SLC17A1: variants seen among roughly 807,000 people sequenced by gnomAD.
SLC17A1 encodes the protein sodium-dependent phosphate transport protein 1.
In SLC17A1, 51 loss-of-function variants were observed where a neutral mutation model predicts 53.5. The ratio of observed to expected loss-of-function variants is 0.95; its 90% confidence interval spans 0.76 to 1.20. SLC17A1 has a LOEUF of 1.20. SLC17A1 is among the 50% of genes most tolerant of loss of function. The pLI is 0.00. For synonymous variants in SLC17A1, 179 were observed against 198.8 expected, an observed-to-expected ratio of 0.90 and a Z score of 0.84; for missense variants, 538 against 568.2, an observed-to-expected ratio of 0.95 and a Z score of 0.54.
chr6:25,764,645 G>C, the SLC17A1 span, among the ~76,000 whole-genome samples: 1 of 152,202 alleles, frequency 6.6e-6, no homozygotes, highest in East Asian at 1.9e-4. Flanking sequence ...ATGCTGTGGA[G>C]CTTCAGCTTG....
intron 12 of SLC17A1, among the ~76,000 whole-genome samples, chr6:25,790,540 T>C (rs930009007): frequency 2.0e-5 from 3 of 152,154 alleles, no homozygotes; most frequent in African/African-American, 7.2e-5. Flanking sequence ...CTAAAAAGTT[T>C]TAATATCAGG....
intron 1 of SLC17A1, 70 bp from the exon 2 acceptor site, chr6:25,830,677 C>T (rs1764915292): frequency 2.0e-6 from 2 of 998,756 alleles, no homozygotes; most frequent in African/African-American, 3.2e-5. Context: ...ACCCAGTACT[C>T]CTCTCTGATT....
chr6:25,769,886 C>A, the SLC17A1 span, among the ~76,000 whole-genome samples: 11 of 151,702 alleles, frequency 7.3e-5, no homozygotes, highest in South Asian at 2.1e-4. Flanking sequence ...TCAGGGTGAG[C>A]GGAAAGAGTA....
At chr6:25,724,995 GT>G in the SLC17A1 span, among the ~76,000 whole-genome samples, 6 of 137,952 alleles carry the variant, frequency 4.3e-5, no homozygotes, top group East Asian at 7.2e-4. Context: ...GTGTTTAGCA[GT>G]TTTTTTTTTG....
intron 3 of SLC17A1, among the ~76,000 whole-genome samples, chr6:25,822,111 G>C (rs1022850364): frequency 6.6e-5 from 10 of 152,144 alleles, no homozygotes; most frequent in African/African-American, 2.2e-4. Context: ...TGATGGAAGA[G>C]GGAAGACTGA....
intron 3 of SLC17A1, 65 bp from the exon 4 acceptor site, chr6:25,819,980 G>T: frequency 8.8e-7 from 1 of 1,130,674 alleles, no homozygotes; most frequent in Non-Finnish European, 1.3e-6. Context: ...GACATTTAGG[G>T]ATTCAGGGAA....
chr6:25,819,630 T>G lies in SLC17A1; in HGVS notation c.442-32A>C, dbSNP rs544855897. The G allele has an allele frequency of 6.8e-6, 11 of 1,611,438 alleles. No individual in the cohort carries two copies. The Admixed American group carries it at 1.2e-4, about 17-fold the overall frequency. ...TGAGAAAGGTTTGACATTTAATCTC[T>G]AATACTTCCTGTGAATTTAAACTCT... On this transcript the variant is annotated intron_variant, in intron 4 of 12. Coordinates refer to ENST00000244527, the MANE Select transcript of SLC17A1 (RefSeq NM_005074.5).
rs769683339 is a variant in SLC17A1, at chr6:25,794,065, A to G, written c.*2+4718T>C. Among the ~76,000 whole-genome samples, 5 of 152,324 alleles carry G rather than the reference A, an allele frequency of 3.3e-5. No individual in the cohort carries two copies. The South Asian group carries it at 6.2e-4, about 19-fold the overall frequency. ...TGCTTGTTCCTGTTTATGTGCCTGA[A>G]CCAACAAATAGACTGCAGCCTGAGT... On this transcript the variant is annotated intron_variant, in intron 12 of 12. Transcript: ENST00000244527.
chr6:25,801,842 T>C (rs908068545), intron 10 of SLC17A1, among the ~76,000 whole-genome samples: 1 of 152,198 alleles, frequency 6.6e-6, no homozygotes, highest in Non-Finnish European at 1.5e-5. Context: ...CATCAAGACC[T>C]AGAGTCCTTG....
intron 10 of SLC17A1, among the ~76,000 whole-genome samples, chr6:25,809,792 G>T (rs564183366): frequency 4.6e-5 from 7 of 151,948 alleles, no homozygotes; most frequent in Non-Finnish European, 8.8e-5. Context: ...AAGTACAAAA[G>T]GTCCCAAATA....
At chr6:25,726,469 G>A in the SLC17A1 span, 126 of 1,613,700 alleles carry the variant, frequency 7.8e-5, no homozygotes, top group Non-Finnish European at 9.1e-5. Context: ...ACCCGCTCTA[G>A]AAGAGCGAGA....
the SLC17A1 span, among the ~76,000 whole-genome samples, chr6:25,737,590 G>T: frequency 6.6e-6 from 1 of 151,968 alleles, no homozygotes. Flanking sequence ...CTGGGCAGCA[G>T]GCAAAAGAAA....
chr6:25,777,766 C>T, the SLC17A1 span: 6,329 of 608,732 alleles, frequency 0.01, 149 homozygotes, highest in East Asian at 0.075. Flanking sequence ...CCAAGGCTTA[C>T]ACAATTCCAG....
the SLC17A1 span, among the ~76,000 whole-genome samples, chr6:25,749,797 A>C: frequency 6.6e-6 from 1 of 152,112 alleles, no homozygotes; most frequent in Non-Finnish European, 1.5e-5. Context: ...TACTTTGATC[A>C]ATTCAATTTA....
Position 25,811,724 on chromosome 6 carries a change from C to A in SLC17A1, c.944G>T (p.Gly315Val). Residue 315 changes from glycine (G) to valine (V), a missense_variant, in exon 9 of 13, where the codon GGT (glycine) becomes GTT (valine). Gly to Val is a moderately radical substitution (Grantham distance 109). Coordinates refer to ENST00000244527, the MANE Select transcript of SLC17A1 (RefSeq NM_005074.5). Reference protein sequence around the residue: ...SLPYLFAWICGNLAGQLSDFF... With the variant: ...SLPYLFAWICVNLAGQLSDFF... Reference sequence around the variant, plus strand: ...GTCTGATAACTGACCTGCTAGGTTACCACAGATCCAGGCAAACAAATAGGG... The same window carrying A: ...GTCTGATAACTGACCTGCTAGGTTAACACAGATCCAGGCAAACAAATAGGG... 1 of 1,613,784 alleles carries A rather than the reference C, an allele frequency of 6.2e-7. No individual in the cohort carries two copies. The highest frequency in any genetic ancestry group is 8.5e-7 in the Non-Finnish European group (1 of 1,179,758).
At chr6:25,733,158 A>G in the SLC17A1 span, among the ~76,000 whole-genome samples, 1 of 152,302 alleles carries the variant, frequency 6.6e-6, no homozygotes, top group African/African-American at 2.4e-5. Context: ...CAGTGATTAT[A>G]GCAGGCTCCT....
chr6:25,815,095 A>AT (rs1249236832), intron 6 of SLC17A1, among the ~76,000 whole-genome samples: 5 of 151,978 alleles, frequency 3.3e-5, no homozygotes, highest in Non-Finnish European at 7.4e-5. Flanking sequence ...GTAATAAAAA[A>AT]AATCACAAGG....
chr6:25,766,974 G>A, the SLC17A1 span, among the ~76,000 whole-genome samples: 1 of 152,126 alleles, frequency 6.6e-6, no homozygotes, highest in Non-Finnish European at 1.5e-5. Context: ...GACTTTAGTA[G>A]TTAATAATAT....
chr6:25,812,045 T>C (rs148383590), intron 8 of SLC17A1, among the ~76,000 whole-genome samples: 3 of 152,276 alleles, frequency 2.0e-5, no homozygotes, highest in East Asian at 1.9e-4. Context: ...GAAGACTACA[T>C]TGGGAATAGG....
Sources: gnomAD v4.1 joint callset for allele counts (sites outside exome capture counted in the v4.1 genomes callset) on GRCh38, gnomAD v4.1.1 for gene constraint, MANE v1.5 for transcripts, NCBI Gene and HGNC (gene_info 2026-07-23, HGNC 2026-07-21) for gene names.